TMC2: variants seen among roughly 807,000 people sequenced by gnomAD.
TMC2 encodes the protein transmembrane channel-like protein 2.
TMC2 carries 102 observed loss-of-function variants against 105.9 expected under a neutral mutation model. The ratio of observed to expected loss-of-function variants is 0.96; its 90% CI spans 0.82 to 1.14. The LOEUF (loss-of-function observed/expected upper bound fraction) is 1.14. Ranked by LOEUF, TMC2 falls within the 50% of genes most tolerant of loss-of-function variation. The pLI is 0.00. For synonymous variants in TMC2, 402 were observed against 422.8 expected, an observed-to-expected ratio of 0.95 and a Z score of 0.60; for missense variants, 1,093 against 1,134.3, an observed-to-expected ratio of 0.96 and a Z score of 0.52.
chr20:2,636,425 C>T (rs1028662807), intron 18 of TMC2, among the ~76,000 whole-genome samples: 15 of 151,484 alleles, frequency 9.9e-5, no homozygotes, highest in Non-Finnish European at 1.9e-4. Flanking sequence ...CCTCTCTCAA[C>T]ATCCCAGCTG....
intron 5 of TMC2, among the ~76,000 whole-genome samples, chr20:2,574,983 C>T (rs1022040383): frequency 6.6e-6 from 1 of 152,178 alleles, no homozygotes; most frequent in Non-Finnish European, 1.5e-5. Context: ...GCCTCAGCCT[C>T]CCAAAGTGCT....
intron 5 of TMC2, among the ~76,000 whole-genome samples, chr20:2,575,292 C>A (rs1209226759): frequency 6.6e-6 from 1 of 152,006 alleles, no homozygotes; most frequent in Non-Finnish European, 1.5e-5. Flanking sequence ...TAAGACAGTC[C>A]CTCAAATAGT....
intron 8 of TMC2, among the ~76,000 whole-genome samples, chr20:2,593,167 G>GAGCAC (rs1178078759): frequency 6.6e-6 from 1 of 152,132 alleles, no homozygotes; most frequent in Non-Finnish European, 1.5e-5. Context: ...AGAAGACAGA[G>GAGCAC]AGCACAGGGG....
rs181155541 is a variant in TMC2, at chr20:2,554,377, A to G, written c.83-4079A>G. ...GGCTAGAGGGTCATCAATATTATCAATCTTTTCAAAGAACCTCTCTATGAT... is the reference window on the plus strand; with the variant it reads ...GGCTAGAGGGTCATCAATATTATCAGTCTTTTCAAAGAACCTCTCTATGAT... On this transcript the variant is annotated intron_variant, in intron 2 of 19. Coordinates refer to ENST00000358864, the MANE Select transcript of TMC2 (RefSeq NM_080751.3). Among the ~76,000 whole-genome samples the G allele has an allele frequency of 7.9e-5, 12 of 152,284 alleles. No individual in the cohort carries two copies. In the East Asian group the frequency reaches 1.2e-3, roughly 15 times the overall value.
In TMC2 at chr20:2,561,957, T is replaced by G. The variant is rs1489114641; in HGVS notation, c.501T>G (p.Ile167Met). The G allele has an allele frequency of 2.5e-6, 4 of 1,614,198 alleles. No homozygotes were observed. The highest frequency in any genetic ancestry group is 3.4e-6 in the Non-Finnish European group (4 of 1,180,022). ...AGGTGGAAGAAAAAAAGAAGCTCAT[T>G]GCCACCATGCGGAGCAAGCCCTGGC... The part of the protein sequence containing the change: ...LEQVEEKKKL[I>M]ATMRSKPWPM... The change falls in exon 4 of 20, where the codon ATT becomes ATG. Residue 167 changes from isoleucine (I) to methionine (M), a missense_variant. By Grantham distance (10) the Ile-to-Met change is conservative. Coordinates refer to ENST00000358864, the MANE Select transcript of TMC2 (RefSeq NM_080751.3).
intron 11 of TMC2, among the ~76,000 whole-genome samples, chr20:2,602,897 G>T (rs2086362037): frequency 6.6e-6 from 1 of 152,178 alleles, no homozygotes; most frequent in Non-Finnish European, 1.5e-5. Context: ...GCACATTCAC[G>T]AAGAGGTGGA....
chr20:2,572,887 G>T (rs546852630), intron 5 of TMC2, among the ~76,000 whole-genome samples: 1 of 151,998 alleles, frequency 6.6e-6, no homozygotes, highest in South Asian at 2.1e-4. Flanking sequence ...TCAAATGCCT[G>T]GTAGTTCTAG....
At chr20:2,620,824 T>C (rs1468663613) in intron 16 of TMC2, among the ~76,000 whole-genome samples, 1 of 152,224 alleles carries the variant, frequency 6.6e-6, no homozygotes, top group Non-Finnish European at 1.5e-5. Context: ...CAGAGGATTA[T>C]TCTCAGGACT....
Position 2,597,281 on chromosome 20 carries a change from A to G in TMC2, c.1207A>G (p.Ile403Val). Residue 403 changes from isoleucine to valine, a missense_variant, in exon 10 of 20, where the codon ATC (isoleucine) becomes GTC (valine). Transcript: ENST00000358864. Reference sequence around the variant, plus strand: ...GACAGCTGATAACAAATATGCATCCATCACCACCAGCTTCAAGGTAGTCAC... The same window carrying G: ...GACAGCTGATAACAAATATGCATCCGTCACCACCAGCTTCAAGGTAGTCAC... ...SETADNKYAS[I>V]TTSFKESIVD... is the part of the protein sequence containing the mutation. 1 of 1,613,914 alleles carries G rather than the reference A, an allele frequency of 6.2e-7. No homozygotes were observed. Among genetic ancestry groups the G allele is most frequent in the Non-Finnish European group, 8.5e-7 (1 of 1,179,866 alleles).
At chr20:2,586,595 G>A (rs896327264) in intron 7 of TMC2, among the ~76,000 whole-genome samples, 7 of 152,208 alleles carry the variant, frequency 4.6e-5, no homozygotes, top group Admixed American at 1.3e-4. Flanking sequence ...AGGAGCAAGA[G>A]AGTGATTGGG....
In TMC2 at chr20:2,630,834, A is replaced by G. The variant is rs1204900890; in HGVS notation, c.2307-5092A>G. On this transcript the variant is annotated intron_variant, in intron 17 of 19. Coordinates refer to ENST00000358864, the MANE Select transcript of TMC2 (RefSeq NM_080751.3). Reference sequence around the variant, plus strand: ...TGAGACCTTCTCTCTAAATAAATAAATGAAATAAAATATAGTGTGCTTCTT... The same window carrying G: ...TGAGACCTTCTCTCTAAATAAATAAGTGAAATAAAATATAGTGTGCTTCTT... 3.9e-5 allele frequency among the ~76,000 whole-genome samples: 6 copies of G among 152,316 alleles called. No individual in the cohort carries two copies. In the East Asian group the frequency reaches 7.7e-4, roughly 20 times the overall value.
At chr20:2,578,329 A>G (rs2122870844) in intron 5 of TMC2, among the ~76,000 whole-genome samples, 1 of 152,206 alleles carries the variant, frequency 6.6e-6, no homozygotes, top group Admixed American at 6.5e-5. Context: ...CAAAATAACA[A>G]TAATAATAAT....
intron 2 of TMC2, among the ~76,000 whole-genome samples, chr20:2,555,228 G>A (rs1051188984): frequency 8.1e-4 from 124 of 152,164 alleles, no homozygotes; most frequent in African/African-American, 2.9e-3. Flanking sequence ...TTACAGGCAT[G>A]CGCCACGATG....
chr20:2,543,047 G>T (rs181709333), intron 2 of TMC2, among the ~76,000 whole-genome samples: 1 of 151,900 alleles, frequency 6.6e-6, no homozygotes, highest in African/African-American at 2.4e-5. Context: ...GACCAGCCTG[G>T]CCAACATGGT....
intron 7 of TMC2, among the ~76,000 whole-genome samples, chr20:2,586,370 C>T (rs2086232216): frequency 1.3e-5 from 2 of 152,118 alleles, no homozygotes; most frequent in Non-Finnish European, 2.9e-5. Flanking sequence ...AGTTATTGGC[C>T]CATAGCAAGT....
At chr20:2,639,049 C>T (rs532130222) in intron 19 of TMC2, among the ~76,000 whole-genome samples, 7 of 152,242 alleles carry the variant, frequency 4.6e-5, no homozygotes, top group African/African-American at 1.4e-4. Context: ...GTGCCCACCA[C>T]CATGCCTGGC....
At chr20:2,540,875 C>A (rs2085885674) in intron 2 of TMC2, among the ~76,000 whole-genome samples, 1 of 152,062 alleles carries the variant, frequency 6.6e-6, no homozygotes, top group African/African-American at 2.4e-5. Context: ...CAAACATGCT[C>A]CATTATCACA....
Position 2,580,058 on chromosome 20 carries a change from T to A in TMC2, c.834+2T>A. 14 of 1,591,902 alleles carry A rather than the reference T, an allele frequency of 8.8e-6. No homozygotes were observed. The highest frequency in any genetic ancestry group is 1.2e-5 in the Non-Finnish European group (14 of 1,160,122). On this transcript the variant is annotated splice_donor_variant, in intron 7 of 19. Transcript: ENST00000358864. LOFTEE classifies it high-confidence loss of function. ...TTTGGTCTAGTCATAATCCCAGAGG[T>A]AAGAAAAGAACTTCCTAAATCTTTG...
In TMC2 at chr20:2,597,245, G is replaced by A. The variant is rs775491310; in HGVS notation, c.1171G>A (p.Gly391Arg). ...GTTCACCAGCTGGGACTACCTGATC[G>A]GGAATTCAGAGACAGCTGATAACAA... The part of the protein sequence containing the change: ...KMFTSWDYLI[G>R]NSETADNKYA... Residue 391 changes from glycine (G) to arginine (R), a missense_variant, in exon 10 of 20, where the codon GGG becomes AGG. Gly to Arg is a moderately radical substitution (Grantham distance 125). Coordinates refer to ENST00000358864, the MANE Select transcript of TMC2 (RefSeq NM_080751.3). 2.0e-5 allele frequency: 33 copies of A among 1,613,888 alleles called. No homozygotes were observed. Among genetic ancestry groups the A allele is most frequent in the South Asian group, 2.2e-5 (2 of 91,054 alleles).
Sources: gnomAD v4.1 joint callset for allele counts (sites outside exome capture counted in the v4.1 genomes callset) on GRCh38, gnomAD v4.1.1 for gene constraint, MANE v1.5 for transcripts, NCBI Gene and HGNC (gene_info 2026-07-23, HGNC 2026-07-21) for gene names.